The following IL17RC variants were observed in gnomAD, a reference collection of about 807,000 sequenced individuals.
IL17RC encodes the protein interleukin 17 receptor C, also known as interleukin-17 receptor C.
IL17RC carries 53 observed loss-of-function variants against 86.7 expected under a neutral mutation model. The observed-to-expected ratio is 0.61, with a 90% confidence interval of 0.49 to 0.77. The LOEUF (loss-of-function observed/expected upper bound fraction) is 0.77. Among genes scored for constraint, IL17RC ranks in the 30% least tolerant of loss-of-function variants. The pLI, the probability that IL17RC is intolerant of heterozygous loss-of-function variation, is 0.00. For missense variants in IL17RC, 957 were observed against 940.0 expected (o/e 1.02, Z -0.24); for synonymous variants, 439 against 413.1 (o/e 1.06, Z -0.76).
Position 9,930,119 on chromosome 3 carries a change from CT to C in IL17RC, c.1249del (p.Cys417ValfsTer81). 2 of 1,614,142 alleles carry C rather than the reference CT, an allele frequency of 1.2e-6. No homozygotes were observed. Among genetic ancestry groups the C allele is most frequent in the Non-Finnish European group, 1.7e-6 (2 of 1,180,034 alleles). ...CCCTCTGTGCCTTGGAACCCAGTGG[CT>C]GTACTTCACTACCCAGCAAAGCCTC... The part of the protein sequence containing the change: ...RSLCALEPSG[C>X]TSLPSKASTR... On this transcript the variant is annotated frameshift_variant, in exon 14 of 19. Coordinates refer to ENST00000403601, the MANE Select transcript of IL17RC (RefSeq NM_153460.4). LOFTEE classifies it high-confidence loss of function. The surrounding 1 kb of genome is among the most constrained non-coding windows in gnomAD (Gnocchi z 5.8).
At chr3:9,924,434 G>A in intron 9 of IL17RC, 143 bp downstream of exon 9, 1 of 745,284 alleles carries the variant, frequency 1.3e-6, no homozygotes, top group Non-Finnish European at 2.3e-6. Context: ...GCCCTCCCTT[G>A]ACCCTTGCTG....
In IL17RC at chr3:9,930,220, C is replaced by T; in HGVS notation, c.1278+71C>T. 1 of 1,594,568 alleles carries T rather than the reference C, an allele frequency of 6.3e-7. No homozygotes were observed. Among genetic ancestry groups the T allele is most frequent in the Non-Finnish European group, 8.6e-7 (1 of 1,165,922 alleles). On this transcript the variant is annotated intron_variant, in intron 14 of 18. Transcript: ENST00000403601. The surrounding 1 kb of genome is among the most constrained non-coding windows in gnomAD (Gnocchi z 5.8). Reference sequence around the variant, plus strand: ...TCACATCTGGCCTCAAATTTTCACTCCATCCACCCTGTGCCGGTCTCTGGG... The same window carrying T: ...TCACATCTGGCCTCAAATTTTCACTTCATCCACCCTGTGCCGGTCTCTGGG...
At chr3:9,921,814 AC>A (rs2083590374) in intron 7 of IL17RC, among the ~76,000 whole-genome samples, 1 of 146,868 alleles carries the variant, frequency 6.8e-6, no homozygotes, top group Admixed American at 6.8e-5. Flanking sequence ...TTTAGTAGAG[AC>A]AGGGTTTCAC....
At chr3:9,923,796 GT>G (rs1439035235) in intron 7 of IL17RC, 84 bp from the exon 8 acceptor site, 52 of 1,456,698 alleles carry the variant, frequency 3.6e-5, no homozygotes, top group Non-Finnish European at 4.9e-5. Context: ...AGTCTAGGGG[GT>G]TTGAAGGAAA....
intron 9 of IL17RC, among the ~76,000 whole-genome samples, chr3:9,927,696 T>G (rs2084218075): frequency 6.6e-6 from 1 of 152,104 alleles, no homozygotes; most frequent in South Asian, 2.1e-4. Flanking sequence ...ATCCCAACAC[T>G]TTGGGAGGCT....
At chr3:9,917,774 C>T in intron 2 of IL17RC, 40 bp downstream of exon 2, 1 of 1,612,906 alleles carries the variant, frequency 6.2e-7, no homozygotes, top group Non-Finnish European at 8.5e-7. Context: ...CCCAGGTTGG[C>T]CGAAGGGAGC....
chr3:9,920,435 C>A, intron 5 of IL17RC, 56 bp from the exon 6 acceptor site: 1 of 1,086,108 alleles, frequency 9.2e-7, no homozygotes, highest in Admixed American at 2.0e-5. Flanking sequence ...TCCCACAGCC[C>A]TTGGCCTGGA....
chr3:9,928,890 TG>T, intron 12 of IL17RC: 1 of 513,928 alleles, frequency 1.9e-6, no homozygotes. Context: ...ATAAGAGAAG[TG>T]CTTCCCCTTA....
chr3:9,926,784 G>C (rs896031018), intron 9 of IL17RC, among the ~76,000 whole-genome samples: 1 of 152,066 alleles, frequency 6.6e-6, no homozygotes, highest in South Asian at 2.1e-4. Context: ...CACCATGCCC[G>C]GCTAATTTTT....
intron 9 of IL17RC, among the ~76,000 whole-genome samples, chr3:9,925,486 T>C (rs1284153994): frequency 6.6e-6 from 1 of 152,126 alleles, no homozygotes; most frequent in African/African-American, 2.4e-5. Flanking sequence ...TCTCATTTTC[T>C]TTCCCCCTCC....
chr3:9,931,287 G>C (rs1339736100), intron 16 of IL17RC, among the ~76,000 whole-genome samples: 1 of 151,814 alleles, frequency 6.6e-6, no homozygotes, highest in African/African-American at 2.4e-5. Flanking sequence ...GGGGCTCAGG[G>C]GGAAGGTTCC....
Position 9,920,941 on chromosome 3 carries a change from A to T in IL17RC, c.594A>T (p.Glu198Asp). 6.3e-7 allele frequency: 1 copy of T among 1,598,398 alleles called. No homozygotes were observed. The highest frequency in any genetic ancestry group is 1.1e-5 in the South Asian group (1 of 88,804). ...TQQLPDCRGL[E>D]VWNSIPSCWA... ...TCTCCTCAGACTGCAGGGGGCTCGA[A>T]GTCTGGAACAGCATCCCGAGCTGCT... Residue 198 changes from glutamate (E) to aspartate (D), a missense_variant, in exon 7 of 19, where the codon GAA becomes GAT. Physicochemically the swap from Glu to Asp is conservative, Grantham distance 45. Transcript: ENST00000403601.
At chr3:9,920,323 C>A in intron 5 of IL17RC, 168 bp from the exon 6 acceptor site, 1 of 576,776 alleles carries the variant, frequency 1.7e-6, no homozygotes, top group South Asian at 2.2e-5. Flanking sequence ...AGAATTGAGG[C>A]CCCTTGAAAG....
intron 12 of IL17RC, among the ~76,000 whole-genome samples, 163 bp downstream of exon 12, chr3:9,928,793 C>A (rs1438197553): frequency 6.6e-6 from 1 of 152,176 alleles, no homozygotes; most frequent in African/African-American, 2.4e-5. Context: ...GGGCAACTCA[C>A]TTCACCTCTC....
Position 9,928,210 on chromosome 3 carries a change from C to T in IL17RC, c.867C>T (p.Pro289=). ...EPDSVRTNIC[P]FREDPRAHQN... Reference sequence around the variant, plus strand: ...ACTCCGTTAGGACGAACATCTGCCCCTTCAGGGAGGGTGAGCCGACCGGCC... The same window carrying T: ...ACTCCGTTAGGACGAACATCTGCCCTTTCAGGGAGGGTGAGCCGACCGGCC... The change falls in exon 10 of 19, where the codon CCC becomes CCT. Residue 289 remains proline, a synonymous_variant. Transcript: ENST00000403601. The T allele has an allele frequency of 6.2e-7, 1 of 1,613,308 alleles. No homozygotes were observed.
Position 9,928,603 on chromosome 3 carries a change from G to A in IL17RC, c.1083G>A (p.Leu361=). 1 of 1,613,764 alleles carries A rather than the reference G, an allele frequency of 6.2e-7. No individual in the cohort carries two copies. The part of the protein sequence containing the change: ...TVDKVLEFPL[L]KGHPNLCVQV... ...AGAAGGTTCTCGAGTTCCCATTGCT[G>A]AAAGGCCACCCTAACCTCTGTGTTC... Residue 361 remains leucine, a synonymous_variant, in exon 12 of 19, where the codon CTG becomes CTA. Transcript: ENST00000403601.
chr3:9,919,584 T>C (rs2083381406), intron 5 of IL17RC, among the ~76,000 whole-genome samples: 1 of 151,812 alleles, frequency 6.6e-6, no homozygotes, highest in Non-Finnish European at 1.5e-5. Flanking sequence ...AGGTGGAGCT[T>C]GCAGTGAGCC....
rs2083207596 is a variant in IL17RC at position 9,917,704 on chromosome 3, C to T, written c.106-9C>T. ...CACAAATTCTGACTCTCCTTTCTTT[C>T]CTTCCCAGGGCCTCTCCTGCCGCCT... On this transcript the variant is annotated splice_polypyrimidine_tract_variant and intron_variant, in intron 1 of 18. Coordinates refer to ENST00000403601, the MANE Select transcript of IL17RC (RefSeq NM_153460.4). 1.9e-6 allele frequency: 3 copies of T among 1,613,674 alleles called. No individual in the cohort carries two copies. The highest frequency in any genetic ancestry group is 2.7e-5 in the African/African-American group (2 of 74,928).
chr3:9,928,271 C>G, intron 10 of IL17RC, 34 bp from the exon 11 acceptor site: 1 of 1,613,548 alleles, frequency 6.2e-7, no homozygotes, highest in Non-Finnish European at 8.5e-7. Context: ...GCGATGGGTA[C>G]CTGGCCTGCG....
Sources: gnomAD v4.1 joint callset for allele counts (sites outside exome capture counted in the v4.1 genomes callset) on GRCh38, gnomAD v4.1.1 for gene constraint, Gnocchi (gnomAD v3.1) non-coding constraint, MANE v1.5 for transcripts, NCBI Gene and HGNC (gene_info 2026-07-23, HGNC 2026-07-21) for gene names.